DENND1A: variants seen among roughly 807,000 people sequenced by gnomAD.
The protein encoded by DENND1A is DENN domain-containing protein 1A.
Under a neutral mutation model 113.7 loss-of-function variants are expected in DENND1A, and 51 were observed. The observed-to-expected ratio is 0.45, with a 90% confidence interval of 0.36 to 0.57. The LOEUF (loss-of-function observed/expected upper bound fraction) is 0.57, where lower values mean the gene tolerates loss of function less well. Among genes scored for constraint, DENND1A ranks in the 20% least tolerant of loss-of-function variants. DENND1A has a pLI of 0.00. For synonymous variants in DENND1A, 565 were observed against 570.8 expected, an observed-to-expected ratio of 0.99 and a Z score of 0.14; for missense variants, 1,258 against 1,395.9, an observed-to-expected ratio of 0.90 and a Z score of 1.57.
At chr9:123,686,408 C>T (rs1328875653) in intron 5 of DENND1A, among the ~76,000 whole-genome samples, 3 of 152,168 alleles carry the variant, frequency 2.0e-5, no homozygotes, top group Non-Finnish European at 4.4e-5. Context: ...ATATAAAATC[C>T]TTACCTTGTG....
At chr9:123,818,577 T>TATAC (rs1837962284) in intron 2 of DENND1A, among the ~76,000 whole-genome samples, 1 of 150,236 alleles carries the variant, frequency 6.7e-6, no homozygotes, top group African/African-American at 2.5e-5. Flanking sequence ...CATATATATA[T>TATAC]ATATATAAAA....
intron 20 of DENND1A, among the ~76,000 whole-genome samples, chr9:123,408,933 T>C (rs1434831432): frequency 2.0e-5 from 3 of 152,190 alleles, no homozygotes; most frequent in Non-Finnish European, 4.4e-5. Context: ...ATCCCAAGCC[T>C]CGAAGGGGAA....
chr9:123,833,581 A>G (rs373600846), intron 2 of DENND1A, among the ~76,000 whole-genome samples: 16 of 152,318 alleles, frequency 1.1e-4, no homozygotes, highest in African/African-American at 3.6e-4. Context: ...AAAAGTCATC[A>G]TGAGCTTCAC....
intron 4 of DENND1A, chr9:123,759,793 A>C (rs2070886036): frequency 6.6e-6 from 1 of 152,224 alleles, no homozygotes; most frequent in Non-Finnish European, 1.5e-5. Context: ...GAAGAACCTG[A>C]AGAGTGAATG....
intron 2 of DENND1A, among the ~76,000 whole-genome samples, chr9:123,796,874 G>T (rs1011472410): frequency 8.6e-5 from 13 of 151,694 alleles, no homozygotes; most frequent in Admixed American, 7.2e-4. Context: ...TTTTTAAACT[G>T]ATTAAAAAAT....
intron 13 of DENND1A, among the ~76,000 whole-genome samples, chr9:123,539,943 A>G (rs1285915877): frequency 6.6e-6 from 1 of 151,650 alleles, no homozygotes; most frequent in Non-Finnish European, 1.5e-5. Context: ...TTTATGTTTT[A>G]TTTTATAATA....
chr9:123,778,145 GA>G (rs937408290), intron 3 of DENND1A, among the ~76,000 whole-genome samples: 2 of 151,664 alleles, frequency 1.3e-5, no homozygotes, highest in Non-Finnish European at 2.9e-5. Context: ...TTTGCAAGTA[GA>G]AAAAAAAGTC....
chr9:123,682,704 G>A (rs879492471), intron 5 of DENND1A, among the ~76,000 whole-genome samples: 2 of 152,122 alleles, frequency 1.3e-5, no homozygotes, highest in African/African-American at 4.8e-5. Flanking sequence ...GTGACACCTC[G>A]AGAAAGCGGT....
intron 19 of DENND1A, among the ~76,000 whole-genome samples, chr9:123,438,160 T>C (rs760556634): frequency 4.6e-5 from 7 of 152,280 alleles, no homozygotes; most frequent in Middle Eastern, 3.4e-3. Context: ...CGGTAGTAGG[T>C]GCTCTAGAAA....
Position 123,630,436 on chromosome 9 carries a change from G to A in DENND1A, c.659C>T (p.Pro220Leu). The change falls in exon 10 of 24, where the codon CCC (proline) becomes CTC (leucine). Residue 220 changes from proline (P) to leucine (L), a missense_variant. Transcript: ENST00000394215. Reference sequence around the variant, plus strand: ...GATGTACACGTGCTGCCAGTACATGGGGTAGAGCATCGCCGCAGACCCGTG... The same window carrying A: ...GATGTACACGTGCTGCCAGTACATGAGGTAGAGCATCGCCGCAGACCCGTG... ...CIHGSAAMLY[P>L]MYWQHVYIPV... 1 of 1,604,210 alleles carries A rather than the reference G, an allele frequency of 6.2e-7. No individual in the cohort carries two copies. The highest frequency in any genetic ancestry group is 8.5e-7 in the Non-Finnish European group (1 of 1,174,752).
At chr9:123,439,057 C>T (rs953483394) in intron 19 of DENND1A, among the ~76,000 whole-genome samples, 1 of 152,208 alleles carries the variant, frequency 6.6e-6, no homozygotes, top group South Asian at 2.1e-4. Flanking sequence ...GCCACGCTGG[C>T]GACAACCAGG....
intron 2 of DENND1A, among the ~76,000 whole-genome samples, chr9:123,845,705 A>G (rs1206524571): frequency 1.3e-5 from 2 of 151,328 alleles, no homozygotes; most frequent in Non-Finnish European, 2.9e-5. Context: ...AGAGGAATAA[A>G]AAAGGAATGG....
chr9:123,434,251 T>A (rs1040095667), intron 19 of DENND1A, among the ~76,000 whole-genome samples: 3 of 152,198 alleles, frequency 2.0e-5, no homozygotes, highest in Admixed American at 6.5e-5. Flanking sequence ...GGTCTTGAAC[T>A]CCTGACCTCA....
At chr9:123,539,711 A>G (rs551849023) in intron 13 of DENND1A, among the ~76,000 whole-genome samples, 1 of 152,002 alleles carries the variant, frequency 6.6e-6, no homozygotes, top group African/African-American at 2.4e-5. Context: ...GTGAAACCCC[A>G]TCTCCACTAA....
At chr9:123,809,182 T>G (rs1218826588) in intron 2 of DENND1A, among the ~76,000 whole-genome samples, 2 of 152,236 alleles carry the variant, frequency 1.3e-5, no homozygotes, top group Non-Finnish European at 2.9e-5. Flanking sequence ...GCCCCCTGCA[T>G]GTTCCTCCGA....
chr9:123,871,019 A>C (rs1846516184), intron 2 of DENND1A, among the ~76,000 whole-genome samples: 1 of 152,186 alleles, frequency 6.6e-6, no homozygotes, highest in Non-Finnish European at 1.5e-5. Context: ...AATCTGGAAT[A>C]AAATTTGACT....
intron 13 of DENND1A, among the ~76,000 whole-genome samples, chr9:123,466,576 C>A (rs1007430980): frequency 1.3e-5 from 2 of 152,202 alleles, no homozygotes; most frequent in African/African-American, 4.8e-5. Flanking sequence ...GGATGACAGG[C>A]GTGAGCCACT....
chr9:123,903,331 CAAAAA>C (rs869154918), intron 1 of DENND1A, among the ~76,000 whole-genome samples: 226 of 27,006 alleles, frequency 8.4e-3, no homozygotes, highest in African/African-American at 0.025. Context: ...GACTCCGTCT[CAAAAA>C]AAAAAAAAAA....
At chr9:123,644,597 T>C (rs2062211872) in intron 9 of DENND1A, among the ~76,000 whole-genome samples, 1 of 152,176 alleles carries the variant, frequency 6.6e-6, no homozygotes, top group Admixed American at 6.5e-5. Flanking sequence ...CACAAGGGAC[T>C]GGAAAATGGT....
Sources: gnomAD v4.1 joint callset for allele counts (sites outside exome capture counted in the v4.1 genomes callset) on GRCh38, gnomAD v4.1.1 for gene constraint, MANE v1.5 for transcripts, NCBI Gene and HGNC (gene_info 2026-07-23, HGNC 2026-07-21) for gene names.